FHIT: variants seen among roughly 807,000 people sequenced by gnomAD.
FHIT encodes fragile histidine triad diadenosine triphosphatase.
In FHIT, 19 loss-of-function variants were observed where a neutral mutation model predicts 17.9. The observed-to-expected ratio is 1.06, with a 90% CI of 0.74 to 1.56. FHIT has a LOEUF of 1.56. Ranked by LOEUF, FHIT falls within the 40% of genes most tolerant of loss-of-function variation. The pLI is 0.00. For missense variants in FHIT, 248 were observed against 189.2 expected (o/e 1.31, Z -1.82); for synonymous variants, 81 against 69.7 (o/e 1.16, Z -0.81).
intron 2 of FHIT, among the ~76,000 whole-genome samples, chr3:61,048,680 T>G (rs1230844328): frequency 6.6e-6 from 1 of 152,156 alleles, no homozygotes; most frequent in African/African-American, 2.4e-5. Flanking sequence ...CATGCATACG[T>G]ATGTTTATTG....
chr3:61,172,306 T>A lies in FHIT; in HGVS notation c.-164+28311A>T, dbSNP rs918609188. 5.9e-5 allele frequency among the ~76,000 whole-genome samples: 9 copies of A among 152,298 alleles called. No individual in the cohort carries two copies. In the South Asian group the frequency reaches 8.3e-4, roughly 14 times the overall value. On this transcript the variant is annotated intron_variant, in intron 2 of 9. Coordinates refer to ENST00000492590, the MANE Select transcript of FHIT (RefSeq NM_002012.4). The stretch of plus-strand genomic sequence containing the variant: ...TACCAAGATGCAGTGATCTCTAATG[T>A]AAACTTAGCTTAAAATATGCAAGGG...
At chr3:61,002,143 T>C (rs6446175) in intron 3 of FHIT, among the ~76,000 whole-genome samples, 111,314 of 152,128 alleles carry the variant, frequency 0.73, 41,536 homozygotes, top group Middle Eastern at 0.81. Flanking sequence ...TGGTGAGACA[T>C]TTGAAATTTA....
intron 5 of FHIT, 107 bp from the exon 6 acceptor site, chr3:60,014,259 C>G (rs1392360960): frequency 1.3e-5 from 14 of 1,082,462 alleles, no homozygotes; most frequent in African/African-American, 1.6e-5. Flanking sequence ...CCTGAACTCT[C>G]AAAGACTAAG....
chr3:60,420,940 C>G (rs1257098496), intron 5 of FHIT, among the ~76,000 whole-genome samples: 2 of 152,028 alleles, frequency 1.3e-5, no homozygotes, highest in African/African-American at 2.4e-5. Flanking sequence ...CCTGGCCTCT[C>G]TTGCTTTCAA....
chr3:60,281,002 T>G, intron 5 of FHIT, among the ~76,000 whole-genome samples: 1 of 152,250 alleles, frequency 6.6e-6, no homozygotes, highest in East Asian at 1.9e-4. Flanking sequence ...CAGGATAAAA[T>G]TTTTCTTTTA....
intron 8 of FHIT, among the ~76,000 whole-genome samples, chr3:59,851,266 T>C (rs1701922467): frequency 6.6e-6 from 1 of 152,158 alleles, no homozygotes; most frequent in Non-Finnish European, 1.5e-5. Context: ...ACTAGAACTT[T>C]TATGGCTCAT....
chr3:60,868,495 T>G (rs2107048735), intron 3 of FHIT, among the ~76,000 whole-genome samples: 1 of 152,244 alleles, frequency 6.6e-6, no homozygotes, highest in East Asian at 1.9e-4. Context: ...AATTCCACAT[T>G]TTGAAACAAC....
intron 4 of FHIT, among the ~76,000 whole-genome samples, chr3:60,557,640 C>T (rs1232402107): frequency 6.6e-6 from 1 of 151,636 alleles, no homozygotes; most frequent in Non-Finnish European, 1.5e-5. Context: ...CCCATGACAT[C>T]AGAGAAACAA....
At position 60,449,999 on chromosome 3, in the gene FHIT, C is replaced by CAA. The variant is rs35302096; in HGVS notation, c.103+86859_103+86860dup. Among the ~76,000 whole-genome samples the CAA allele has an allele frequency of 9.1e-4, 59 of 64,852 alleles. 1 individual carries two copies. Among genetic ancestry groups the CAA allele is most frequent in the African/African-American group, 1.2e-3 (21 of 17,576 alleles). 42.5% of individuals were successfully genotyped at this position (64,852 alleles called of 152,430 possible). A position where few individuals can be genotyped will look rare whatever the true frequency, so the allele number is the denominator to read the frequency against. ...GCCTGGCGACAGAGCTAGACTCTGT[C>CAA]AAAAAAAAAAAAAAAAAAAAAAAGG... On this transcript the variant is annotated intron_variant, in intron 5 of 9. Coordinates refer to ENST00000492590, the MANE Select transcript of FHIT (RefSeq NM_002012.4).
At chr3:60,126,987 A>G (rs937710811) in intron 5 of FHIT, among the ~76,000 whole-genome samples, 101 of 152,268 alleles carry the variant, frequency 6.6e-4, no homozygotes, top group African/African-American at 2.3e-3. Flanking sequence ...GTGAAATTTC[A>G]AGATAAATGC....
chr3:60,021,275 G>A (rs1421731943), intron 5 of FHIT, among the ~76,000 whole-genome samples: 1 of 152,098 alleles, frequency 6.6e-6, no homozygotes, highest in African/African-American at 2.4e-5. Context: ...CCTTGTCTAG[G>A]CAACATGCCC....
intron 5 of FHIT, among the ~76,000 whole-genome samples, chr3:60,487,786 A>C (rs1410160658): frequency 6.6e-6 from 1 of 152,176 alleles, no homozygotes; most frequent in Non-Finnish European, 1.5e-5. Context: ...GAGATGATGA[A>C]GTCTTTAATG....
chr3:60,732,274 A>G, intron 4 of FHIT: 2 of 918,818 alleles, frequency 2.2e-6, no homozygotes, highest in Non-Finnish European at 3.6e-6. Context: ...TTGCCATCCA[A>G]CCACTGAGTC....
intron 4 of FHIT, among the ~76,000 whole-genome samples, chr3:60,685,026 G>A (rs188557113): frequency 1.7e-3 from 261 of 152,266 alleles, no homozygotes; most frequent in Non-Finnish European, 2.9e-3. Context: ...CATCAAAGAC[G>A]AGAAGTTGAT....
rs527875217 is a variant in FHIT at position 59,783,455 on chromosome 3, G to A, written c.349-31134C>T. On this transcript the variant is annotated intron_variant, in intron 8 of 9. Coordinates refer to ENST00000492590, the MANE Select transcript of FHIT (RefSeq NM_002012.4). The stretch of plus-strand genomic sequence containing the variant: ...CTGCACTCCAGCCTGGTGACAGAGC[G>A]AGACTTGATCTCACAAAAAACAAAA... Among the ~76,000 whole-genome samples the A allele has an allele frequency of 4.6e-5, 7 of 152,244 alleles. No homozygotes were observed. In the East Asian group the frequency reaches 5.8e-4, roughly 13 times the overall value.
At chr3:60,760,286 C>T (rs1699601433) in intron 4 of FHIT, among the ~76,000 whole-genome samples, 1 of 152,160 alleles carries the variant, frequency 6.6e-6, no homozygotes, top group Non-Finnish European at 1.5e-5. Context: ...GGAAGCAGAA[C>T]AGTTCAGAGA....
intron 2 of FHIT, among the ~76,000 whole-genome samples, chr3:61,178,008 G>T (rs1315507977): frequency 6.6e-6 from 1 of 152,152 alleles, no homozygotes; most frequent in Non-Finnish European, 1.5e-5. Flanking sequence ...TCTGGATGGT[G>T]TTTAAATGAG....
At chr3:60,272,149 C>T (rs772894133) in intron 5 of FHIT, among the ~76,000 whole-genome samples, 4 of 152,216 alleles carry the variant, frequency 2.6e-5, no homozygotes, top group African/African-American at 4.8e-5. Flanking sequence ...ATCCTTCATG[C>T]TCTGCGGGAC....
chr3:60,948,204 G>T (rs1553776189), intron 3 of FHIT, among the ~76,000 whole-genome samples: 2 of 152,018 alleles, frequency 1.3e-5, no homozygotes, highest in Admixed American at 6.6e-5. Context: ...TCCCTAAGGG[G>T]GTCTTATATA....
Sources: allele counts gnomAD v4.1 joint callset (sites outside exome capture counted in the v4.1 genomes callset), GRCh38; gene constraint gnomAD v4.1.1; transcripts MANE v1.5; gene names NCBI Gene and HGNC (gene_info 2026-07-23, HGNC 2026-07-21).